The following LEKR1 variants were observed in gnomAD, a reference collection of about 807,000 sequenced individuals.
The protein encoded by LEKR1 is leucine, glutamate and lysine rich 1.
LEKR1 carries 59 observed loss-of-function variants against 72.4 expected under a neutral mutation model. The observed-to-expected ratio is 0.82, with a 90% CI of 0.66 to 1.01. The LOEUF is 1.01. LEKR1 is among the 50% of genes least tolerant of loss of function. The probability of loss-of-function intolerance (pLI) is 0.00; values close to 1 mark genes in which losing one functional copy is unlikely to be tolerated. For synonymous variants in LEKR1, 257 were observed against 263.2 expected, an observed-to-expected ratio of 0.98 and a Z score of 0.23; for missense variants, 728 against 759.2, an observed-to-expected ratio of 0.96 and a Z score of 0.48.
intron 6 of LEKR1, among the ~76,000 whole-genome samples, chr3:156,969,969 T>A (rs1014786902): frequency 1.3e-5 from 2 of 152,142 alleles, no homozygotes; most frequent in African/African-American, 4.8e-5. Context: ...TGGTTCAACA[T>A]ATGCAAATCA....
At position 156,924,609 on chromosome 3, in the gene LEKR1, A is replaced by G. The variant is rs186067635; in HGVS notation, c.384-2820A>G. The G allele has an allele frequency of 2.0e-4, 115 of 582,752 alleles. No individual in the cohort carries two copies. The East Asian group carries it at 2.0e-3, about 10-fold the overall frequency. 36.1% of individuals were successfully genotyped at this position (582,752 alleles called of 1,614,324 possible). ...TAGCTCTTCTTTAGATCTATGATCT[A>G]TTTCAGCTAACTTCTGTGTATGATA... is the stretch of plus-strand genomic sequence containing the variant. On this transcript the variant is annotated intron_variant, in intron 4 of 12. Transcript: ENST00000356539.
chr3:156,937,725 A>AT, intron 5 of LEKR1, among the ~76,000 whole-genome samples: 1 of 152,340 alleles, frequency 6.6e-6, no homozygotes, highest in East Asian at 1.9e-4. Context: ...GTAAGTGTTC[A>AT]TAGCGGCTGT....
At chr3:156,916,383 A>G (rs1273637574) in intron 3 of LEKR1, among the ~76,000 whole-genome samples, 4 of 152,062 alleles carry the variant, frequency 2.6e-5, no homozygotes, top group African/African-American at 7.2e-5. Flanking sequence ...GATTCTTCCT[A>G]TCCATGAGCA....
intron 7 of LEKR1, among the ~76,000 whole-genome samples, chr3:156,990,970 A>G (rs1731102254): frequency 6.6e-6 from 1 of 152,176 alleles, no homozygotes; most frequent in South Asian, 2.1e-4. Context: ...CATATGTCAA[A>G]TGTATCAAAT....
chr3:157,010,188 A>G (rs1398497969), intron 9 of LEKR1, among the ~76,000 whole-genome samples: 1 of 150,014 alleles, frequency 6.7e-6, no homozygotes, highest in Non-Finnish European at 1.5e-5. Context: ...GATATTGTCT[A>G]TTTTTTTTTG....
chr3:157,041,176 T>C (rs1735315090), intron 12 of LEKR1, among the ~76,000 whole-genome samples: 1 of 152,138 alleles, frequency 6.6e-6, no homozygotes, highest in Non-Finnish European at 1.5e-5. Context: ...TGTAGTGATA[T>C]CTATAGATCA....
At chr3:157,016,331 A>AT (rs1560148829) in intron 10 of LEKR1, among the ~76,000 whole-genome samples, 1 of 152,292 alleles carries the variant, frequency 6.6e-6, no homozygotes, top group African/African-American at 2.4e-5. Flanking sequence ...AAGCAACTGG[A>AT]TTTTTTAAAA....
chr3:156,879,113 G>A (rs1224501047), intron 3 of LEKR1, among the ~76,000 whole-genome samples: 1 of 152,144 alleles, frequency 6.6e-6, no homozygotes, highest in East Asian at 1.9e-4. Context: ...TTGGAACTGG[G>A]TAACAGGCAG....
intron 9 of LEKR1, among the ~76,000 whole-genome samples, chr3:157,007,557 G>A (rs1732558789): frequency 6.6e-6 from 1 of 152,240 alleles, no homozygotes; most frequent in African/African-American, 2.4e-5. Flanking sequence ...AGAGGACTGT[G>A]CTATCCACAC....
At chr3:157,013,312 T>C (rs1733053033) in intron 10 of LEKR1, among the ~76,000 whole-genome samples, 1 of 152,124 alleles carries the variant, frequency 6.6e-6, no homozygotes, top group Non-Finnish European at 1.5e-5. Flanking sequence ...TCAGATACAC[T>C]TCACTGGAGA....
At chr3:157,027,375 A>C (rs1734264098) in intron 11 of LEKR1, among the ~76,000 whole-genome samples, 1 of 152,164 alleles carries the variant, frequency 6.6e-6, no homozygotes, top group South Asian at 2.1e-4. Context: ...AAAGAAAAAA[A>C]AATTATGTTA....
chr3:156,939,115 T>A lies in LEKR1; in HGVS notation c.560-3414T>A, dbSNP rs1287624874. Among the ~76,000 whole-genome samples, 4 of 152,172 alleles carry A rather than the reference T, an allele frequency of 2.6e-5. No homozygotes were observed. The East Asian group carries it at 7.7e-4, about 29-fold the overall frequency. ...GCTGAATTGTGTCCCCCTCCCCAAA[T>A]TCATATACTGAAATGTTAAAGTCCT... On this transcript the variant is annotated intron_variant, in intron 5 of 12. Transcript: ENST00000356539.
chr3:156,882,266 A>G (rs1328977178), intron 3 of LEKR1, among the ~76,000 whole-genome samples: 1 of 151,888 alleles, frequency 6.6e-6, no homozygotes, highest in African/African-American at 2.4e-5. Context: ...ACGAAGGGCT[A>G]ATATCCAGAA....
intron 4 of LEKR1, among the ~76,000 whole-genome samples, chr3:156,925,971 T>C (rs1188343919): frequency 7.9e-5 from 12 of 152,046 alleles, no homozygotes; most frequent in African/African-American, 2.2e-4. Flanking sequence ...AAAGCATTTA[T>C]AAGCAAATTA....
chr3:156,933,563 T>C (rs1457078492), intron 5 of LEKR1, among the ~76,000 whole-genome samples: 1 of 152,196 alleles, frequency 6.6e-6, no homozygotes, highest in Non-Finnish European at 1.5e-5. Context: ...AATGTTCTCA[T>C]TTTTGAGTGT....
In LEKR1 at chr3:157,001,850, A is replaced by G. The variant is rs1732039792; in HGVS notation, c.1109+8573A>G. Among the ~76,000 whole-genome samples the G allele has an allele frequency of 2.0e-5, 3 of 152,338 alleles. No homozygotes were observed. The South Asian group carries it at 6.2e-4, about 32-fold the overall frequency. ...TATTAACATATTTCTAAGGAATGAA[A>G]AGAAAGAACCACTATATCCCCAGAG... On this transcript the variant is annotated intron_variant, in intron 9 of 12. Transcript: ENST00000356539.
intron 3 of LEKR1, among the ~76,000 whole-genome samples, chr3:156,874,543 T>C (rs1430393960): frequency 2.6e-5 from 1 of 38,974 alleles, no homozygotes; most frequent in Admixed American, 5.0e-4. Context: ...TTAAAAAACT[T>C]TTTTTTTTCC....
rs145952577 is a variant in LEKR1, at chr3:156,837,591, C to T, written c.48+8214C>T. Among the ~76,000 whole-genome samples the T allele has an allele frequency of 1.8e-3, 270 of 152,296 alleles. 1 individual carries two copies. Among genetic ancestry groups the T allele is most frequent in the Middle Eastern group, 3.4e-3 (1 of 294 alleles). Reference sequence around the variant, plus strand: ...GATCCTAGGCCCTTGTTCTATCCTACGGTGCCCCTCTCCATGACAGAAGAC... The same window carrying T: ...GATCCTAGGCCCTTGTTCTATCCTATGGTGCCCCTCTCCATGACAGAAGAC... On this transcript the variant is annotated intron_variant, in intron 2 of 12. Transcript: ENST00000356539.
At chr3:156,876,330 A>G (rs62275189) in intron 3 of LEKR1, among the ~76,000 whole-genome samples, 4,842 of 152,158 alleles carry the variant, frequency 0.032, 118 homozygotes, top group Non-Finnish European at 0.047. Flanking sequence ...TTTTGGTTCC[A>G]TAAGAATTTT....
Sources: gnomAD v4.1 joint callset for allele counts (sites outside exome capture counted in the v4.1 genomes callset) on GRCh38, gnomAD v4.1.1 for gene constraint, MANE v1.5 for transcripts, NCBI Gene and HGNC (gene_info 2026-07-23, HGNC 2026-07-21) for gene names.